Variants in EZH2 observed in about 807,000 individuals in gnomAD.
EZH2 encodes the protein enhancer of zeste 2 polycomb repressive complex 2 subunit.
A neutral mutation model predicts 98.4 loss-of-function variants in EZH2; 18 were observed. The observed-to-expected ratio is 0.18, with a 90% confidence interval of 0.13 to 0.27. The LOEUF is 0.27. Among genes scored for constraint, EZH2 ranks in the 10% least tolerant of loss-of-function variants. The probability of loss-of-function intolerance (pLI) is 1.00; values close to 1 mark genes in which losing one functional copy is unlikely to be tolerated. For missense variants in EZH2, 470 were observed against 935.1 expected (o/e 0.50, Z 6.49); for synonymous variants, 338 against 312.3 (o/e 1.08, Z -0.87).
At chr7:148,864,312 G>C (rs1264950543) in intron 1 of EZH2, among the ~76,000 whole-genome samples, 1 of 152,068 alleles carries the variant, frequency 6.6e-6, no homozygotes, top group Non-Finnish European at 1.5e-5. Flanking sequence ...CTGAAGAACT[G>C]AACTATTTTA....
intron 3 of EZH2, among the ~76,000 whole-genome samples, chr7:148,840,167 C>T (rs1812068063): frequency 6.6e-6 from 1 of 152,152 alleles, no homozygotes; most frequent in Non-Finnish European, 1.5e-5. Context: ...TGCATATCAT[C>T]TTGATCTAAT....
At chr7:148,812,100 C>G (rs547804361) in intron 15 of EZH2, among the ~76,000 whole-genome samples, 1 of 152,138 alleles carries the variant, frequency 6.6e-6, no homozygotes, top group African/African-American at 2.4e-5. Flanking sequence ...CACCAAATCA[C>G]TCTTCCTCTC....
intron 8 of EZH2, among the ~76,000 whole-genome samples, chr7:148,823,367 G>A (rs1806729814): frequency 6.6e-6 from 1 of 152,196 alleles, no homozygotes; most frequent in African/African-American, 2.4e-5. Flanking sequence ...GTAAGTTCTG[G>A]AACCTCCTAC....
At chr7:148,883,018 T>C (rs764816259) in intron 1 of EZH2, among the ~76,000 whole-genome samples, 3 of 152,250 alleles carry the variant, frequency 2.0e-5, no homozygotes, top group Admixed American at 6.5e-5. Context: ...CCATTCTATT[T>C]TGATCACCTA....
At position 148,846,606 on chromosome 7, in the gene EZH2, A is replaced by G. The variant is rs764855944; in HGVS notation, c.118-8T>C. On this transcript the variant is annotated splice_polypyrimidine_tract_variant and splice_region_variant and intron_variant, in intron 2 of 19. Coordinates refer to ENST00000320356, the MANE Select transcript of EZH2 (RefSeq NM_004456.5). ...ATTGGAACTAAACATACTCTTAAAA[A>G]AAAAAATGAAGGAGAGGAAAGGAGA... 6.2e-7 allele frequency: 1 copy of G among 1,609,054 alleles called. No homozygotes were observed. The highest frequency in any genetic ancestry group is 1.1e-5 in the South Asian group (1 of 90,186).
At position 148,851,356 on chromosome 7, in the gene EZH2, T is replaced by G. The variant is rs116368633; in HGVS notation, c.-7-4051A>C. Among the ~76,000 whole-genome samples the G allele has an allele frequency of 3.8e-3, 585 of 152,176 alleles. 2 individuals are homozygous for G. Among genetic ancestry groups the G allele is most frequent in the African/African-American group, 0.013 (548 of 41,508 alleles). On this transcript the variant is annotated intron_variant, in intron 1 of 19. Transcript: ENST00000320356. ...TTTTAAAAGGAAGCTGATATTGCCT[T>G]AAAGACCTTATCCATAAAACCTACC...
intron 1 of EZH2, among the ~76,000 whole-genome samples, chr7:148,852,765 G>A (rs942585329): frequency 6.6e-5 from 10 of 152,018 alleles, no homozygotes; most frequent in African/African-American, 1.4e-4. Flanking sequence ...CCCAAATTTC[G>A]GAACTATTCA....
At chr7:148,871,272 G>A (rs1464154824) in intron 1 of EZH2, among the ~76,000 whole-genome samples, 3 of 151,926 alleles carry the variant, frequency 2.0e-5, no homozygotes, top group African/African-American at 7.2e-5. Context: ...AGCCATTATG[G>A]AAAACAGTAC....
At chr7:148,838,097 T>TA (rs1041550851) in intron 3 of EZH2, among the ~76,000 whole-genome samples, 25 of 139,786 alleles carry the variant, frequency 1.8e-4, no homozygotes, top group Non-Finnish European at 2.9e-4. Context: ...AGACAGGGTC[T>TA]AGCTCTTGTT....
At chr7:148,815,466 ATTG>A (rs1359967645) in intron 13 of EZH2, 37 bp downstream of exon 13, 6 of 1,579,568 alleles carry the variant, frequency 3.8e-6, no homozygotes, top group Non-Finnish European at 4.4e-6. Flanking sequence ...CAAAGCAGAT[ATTG>A]TTAAGCTAAT....
intron 1 of EZH2, among the ~76,000 whole-genome samples, chr7:148,854,162 A>G (rs1470478134): frequency 6.6e-6 from 1 of 152,204 alleles, no homozygotes; most frequent in Non-Finnish European, 1.5e-5. Context: ...TAAAAATTCT[A>G]CCGGGAGGCG....
At chr7:148,879,031 CT>C (rs1270101351) in intron 1 of EZH2, among the ~76,000 whole-genome samples, 3 of 151,888 alleles carry the variant, frequency 2.0e-5, no homozygotes, top group Non-Finnish European at 4.4e-5. Context: ...TCGAGACTAG[CT>C]TGGCCAACGT....
chr7:148,818,046 G>A lies in EZH2; in HGVS notation c.1071C>T (p.Gly357=), dbSNP rs2129471785. Reference sequence around the variant, plus strand: ...TATTGGGAAGCCGTCCTCTTCTGCGGCCTCCTGGACGTTTTGGTGGGGTCT... The same window carrying A: ...TATTGGGAAGCCGTCCTCTTCTGCGACCTCCTGGACGTTTTGGTGGGGTCT... The part of the protein sequence containing the change: ...RIKTPPKRPG[G]RRRGRLPNNS... Residue 357 remains glycine (G), a synonymous_variant, in exon 10 of 20, where the codon GGC becomes GGT. Transcript: ENST00000320356. The A allele has an allele frequency of 6.2e-7, 1 of 1,614,148 alleles. No individual in the cohort carries two copies. The highest frequency in any genetic ancestry group is 8.5e-7 in the Non-Finnish European group (1 of 1,180,024).
chr7:148,843,208 CAAAA>C (rs35317881), intron 3 of EZH2, among the ~76,000 whole-genome samples: 3 of 75,992 alleles, frequency 3.9e-5, no homozygotes, highest in Admixed American at 1.6e-4. Context: ...AACTCCGTCT[CAAAA>C]AAAAAAAAAA....
At position 148,809,662 on chromosome 7, in the gene EZH2, CA is replaced by C. The variant is rs5888341; in HGVS notation, c.2030-273del. On this transcript the variant is annotated intron_variant, in intron 17 of 19. Coordinates refer to ENST00000320356, the MANE Select transcript of EZH2 (RefSeq NM_004456.5). ...ACATACATTACTGAGCAAAACATAGCAAAAAAAAAAAAAAATCTGACAAAAT... is the reference window on the plus strand; with the variant it reads ...ACATACATTACTGAGCAAAACATAGCAAAAAAAAAAAAAATCTGACAAAAT... Among the ~76,000 whole-genome samples, 100,768 of 142,362 alleles carry C rather than the reference CA, an allele frequency of 0.71. 34,692 individuals carry two copies. The highest frequency in any genetic ancestry group is 0.8 in the African/African-American group (31,235 of 39,288). The allele number at this position is 142,362 out of a possible 152,430, so 93.4% of individuals were successfully genotyped here. A position where few individuals can be genotyped will look rare whatever the true frequency, so the allele number is the denominator to read the frequency against.
chr7:148,859,114 A>G (rs1817282225), intron 1 of EZH2, among the ~76,000 whole-genome samples: 2 of 152,248 alleles, frequency 1.3e-5, no homozygotes, highest in Admixed American at 6.5e-5. Context: ...TGAGCATCTA[A>G]TACAAGCCAG....
At chr7:148,817,056 G>A (rs1804745513) in intron 11 of EZH2, 166 bp downstream of exon 11, 1 of 666,200 alleles carries the variant, frequency 1.5e-6, no homozygotes. Flanking sequence ...TAACATACCT[G>A]GAGAATAATT....
chr7:148,808,933 T>C (rs1279967645), intron 19 of EZH2, 138 bp downstream of exon 19: 6 of 644,614 alleles, frequency 9.3e-6, no homozygotes, highest in Non-Finnish European at 1.7e-5. Flanking sequence ...CAGGAAAGTG[T>C]AACCTAATTC....
At chr7:148,864,197 A>C (rs1320540563) in intron 1 of EZH2, among the ~76,000 whole-genome samples, 1 of 152,232 alleles carries the variant, frequency 6.6e-6, no homozygotes, top group African/African-American at 2.4e-5. Flanking sequence ...TCCTTCCAGC[A>C]AGACAGTAAA....
Sources: allele counts gnomAD v4.1 joint callset (sites outside exome capture counted in the v4.1 genomes callset), GRCh38; gene constraint gnomAD v4.1.1; transcripts MANE v1.5; gene names NCBI Gene and HGNC (gene_info 2026-07-23, HGNC 2026-07-21).